The following MRPS11 variants were observed in gnomAD, a reference collection of about 807,000 sequenced individuals.
The protein encoded by MRPS11 is small ribosomal subunit protein uS11m.
A neutral mutation model predicts 24.3 loss-of-function variants in MRPS11; 27 were observed. The ratio of observed to expected loss-of-function variants is 1.11; its 90% confidence interval spans 0.82 to 1.53. The LOEUF (loss-of-function observed/expected upper bound fraction) is 1.53. Among genes scored for constraint, MRPS11 ranks in the 40% most tolerant of loss-of-function variants. The pLI is 0.00. For synonymous variants in MRPS11, 104 were observed against 98.7 expected (o/e 1.05, Z -0.32); for missense variants, 277 against 256.5 (o/e 1.08, Z -0.55).
chr15:88,476,885 C>A, intron 4 of MRPS11, 104 bp from the exon 5 acceptor site: 1 of 1,138,706 alleles, frequency 8.8e-7, no homozygotes, highest in Non-Finnish European at 1.3e-6. Context: ...TCTCTGGATG[C>A]CCTTTCCCTG....
At chr15:88,468,225 G>A (rs2055596476) in intron 2 of MRPS11, 1 of 1,419,404 alleles carries the variant, frequency 7.0e-7, no homozygotes, top group South Asian at 1.5e-5. Context: ...ATGAGCCGTG[G>A]TACAGAGTAA....
rs777647521 is a variant in MRPS11 at position 88,475,134 on chromosome 15, T to G, written c.306T>G (p.Ala102=). 1 of 1,614,250 alleles carries G rather than the reference T, an allele frequency of 6.2e-7. No homozygotes were observed. Among genetic ancestry groups the G allele is most frequent in the Non-Finnish European group, 8.5e-7 (1 of 1,180,040 alleles). Residue 102 remains alanine, a synonymous_variant, in exon 4 of 6, where the codon GCT becomes GCG. Coordinates refer to ENST00000325844, the MANE Select transcript of MRPS11 (RefSeq NM_022839.5). The surrounding 1 kb of genome is among the most constrained non-coding windows in gnomAD (Gnocchi z 4.1). ...HNNTQIQVVS[A]SNEPLAFASC... ...GCACACAGATCCAGGTAGTCTCTGCTAGTAATGAGCCCCTTGCCTTTGCTT... is the reference window on the plus strand; with the variant it reads ...GCACACAGATCCAGGTAGTCTCTGCGAGTAATGAGCCCCTTGCCTTTGCTT...
chr15:88,476,339 G>A (rs1028059868), intron 4 of MRPS11, among the ~76,000 whole-genome samples: 2 of 152,150 alleles, frequency 1.3e-5, no homozygotes, highest in African/African-American at 2.4e-5. Flanking sequence ...CCTTACAAAT[G>A]TTCAGACTCT....
rs777735581 is a variant in MRPS11 at position 88,472,738 on chromosome 15, G to A, written c.281+13G>A. On this transcript the variant is annotated intron_variant, in intron 3 of 5. Coordinates refer to ENST00000325844, the MANE Select transcript of MRPS11 (RefSeq NM_022839.5). Reference sequence around the variant, plus strand: ...CATCCCACAACAAGTAAGTGGGAAGGGAAACACTGGGCAGGTCTAGCGTGA... The same window carrying A: ...CATCCCACAACAAGTAAGTGGGAAGAGAAACACTGGGCAGGTCTAGCGTGA... 28 of 1,589,458 alleles carry A rather than the reference G, an allele frequency of 1.8e-5. No individual in the cohort carries two copies. The East Asian group carries it at 2.9e-4, about 16-fold the overall frequency.
At chr15:88,471,165 G>A (rs2055692795) in intron 2 of MRPS11, among the ~76,000 whole-genome samples, 1 of 152,172 alleles carries the variant, frequency 6.6e-6, no homozygotes, top group South Asian at 2.1e-4. Flanking sequence ...GGAGGTTAGA[G>A]GAGACAAAAG....
chr15:88,475,827 C>T lies in MRPS11; in HGVS notation c.411+588C>T, dbSNP rs1284737911. Among the ~76,000 whole-genome samples the T allele has an allele frequency of 1.3e-5, 2 of 152,052 alleles. No individual in the cohort carries two copies. The highest frequency in any genetic ancestry group is 1.9e-4 in the East Asian group (1 of 5,174). On this transcript the variant is annotated intron_variant, in intron 4 of 5. Coordinates refer to ENST00000325844, the MANE Select transcript of MRPS11 (RefSeq NM_022839.5). This position sits in a 1 kb window ranked among gnomAD's most constrained non-coding sequence, Gnocchi z 4.1. ...GAAAAATTAGCTGGGCGTGGTGGTGCGCGCCTGTAGTCCCAGGTACTCGGG... is the reference window on the plus strand; with the variant it reads ...GAAAAATTAGCTGGGCGTGGTGGTGTGCGCCTGTAGTCCCAGGTACTCGGG...
In MRPS11 at chr15:88,477,945, A is replaced by G. The variant is rs147493631; in HGVS notation, c.551A>G (p.Asn184Ser). 4.3e-6 allele frequency: 7 copies of G among 1,614,058 alleles called. No individual in the cohort carries two copies. The highest frequency in any genetic ancestry group is 5.9e-6 in the Non-Finnish European group (7 of 1,179,998). The change falls in exon 6 of 6, where the codon AAC becomes AGC. Residue 184 changes from asparagine to serine, a missense_variant. Coordinates refer to ENST00000325844, the MANE Select transcript of MRPS11 (RefSeq NM_022839.5). This position sits in a 1 kb window ranked among gnomAD's most constrained non-coding sequence, Gnocchi z 5.7. ...ACAGACAACACCCCAATCCCACACAACGGCTGCCGCCCCAGGAAGGCTCGG... is the reference window on the plus strand; with the variant it reads ...ACAGACAACACCCCAATCCCACACAGCGGCTGCCGCCCCAGGAAGGCTCGG... ...SITDNTPIPH[N>S]GCRPRKARKL
chr15:88,474,176 C>A (rs1474431814), intron 3 of MRPS11, among the ~76,000 whole-genome samples: 1 of 150,348 alleles, frequency 6.7e-6, no homozygotes, highest in Non-Finnish European at 1.5e-5. Flanking sequence ...GACCCTGTCT[C>A]ACAAAAAAAT....
intron 2 of MRPS11, chr15:88,468,879 T>A (rs1012494299): frequency 2.0e-5 from 3 of 152,068 alleles, no homozygotes; most frequent in African/African-American, 7.2e-5. Context: ...GCGTGATGTC[T>A]GGCACCTGTA....
intron 2 of MRPS11, among the ~76,000 whole-genome samples, chr15:88,471,272 C>T (rs891960013): frequency 1.3e-5 from 2 of 152,188 alleles, no homozygotes; most frequent in East Asian, 3.8e-4. Flanking sequence ...TAAGGTCAAA[C>T]CCACAGGAAA....
In MRPS11 at chr15:88,467,895, C is replaced by G. The variant is rs780495818; in HGVS notation, c.66-13C>G. 2 of 1,613,582 alleles carry G rather than the reference C, an allele frequency of 1.2e-6. No homozygotes were observed. The highest frequency in any genetic ancestry group is 2.7e-5 in the African/African-American group (2 of 74,924). ...CCGTTAGGCCGTGGCCCTCACCGAG[C>G]TTTTCTTCCCAGCAGGGTCGTGGCC... On this transcript the variant is annotated splice_polypyrimidine_tract_variant and intron_variant, in intron 1 of 5. Transcript: ENST00000325844.
intron 2 of MRPS11, 80 bp downstream of exon 2, chr15:88,468,104 G>T: frequency 2.0e-6 from 3 of 1,516,520 alleles, no homozygotes. Flanking sequence ...CAGAACCAGT[G>T]AATTTTCAGC....
Position 88,475,254 on chromosome 15 carries a change from C to T in MRPS11, c.411+15C>T, listed in dbSNP as rs1162438643. ...CCGCAGCGGCGGTAAGTGTGTGTTC[C>T]TTCTGCTTCCTTCTAGTGTGTGTTT... On this transcript the variant is annotated intron_variant, in intron 4 of 5. Coordinates refer to ENST00000325844, the MANE Select transcript of MRPS11 (RefSeq NM_022839.5). The surrounding 1 kb of genome is among the most constrained non-coding windows in gnomAD (Gnocchi z 4.1). The T allele has an allele frequency of 3.1e-6, 5 of 1,613,898 alleles. No homozygotes were observed. In the Admixed American group the frequency reaches 8.3e-5, roughly 27 times the overall value.
chr15:88,475,211 C>A lies in MRPS11; in HGVS notation c.383C>A (p.Ala128Glu). 1 of 1,614,242 alleles carries A rather than the reference C, an allele frequency of 6.2e-7. No homozygotes were observed. The highest frequency in any genetic ancestry group is 8.5e-7 in the Non-Finnish European group (1 of 1,180,040). The change falls in exon 4 of 6, where the codon GCA becomes GAA. Residue 128 changes from alanine to glutamate, a missense_variant. By Grantham distance (107) the Ala-to-Glu change is moderately radical (BLOSUM62 -1). Transcript: ENST00000325844. This position sits in a 1 kb window ranked among gnomAD's most constrained non-coding sequence, Gnocchi z 4.1. ...RNAKKGTGIA[A>E]QTAGIAAAAR... ...GCCAAGAAGGGCACAGGCATCGCAG[C>A]ACAGACAGCAGGCATAGCCGCAGCG...
rs749957719 is a variant in MRPS11, at chr15:88,467,951, G to C, written c.109G>C (p.Ala37Pro). ...RTPAGTICTG[A>P]RQLQDAAAKQ... is the part of the protein sequence containing the mutation. ...GCCGGCCGGGACCATCTGCACAGGC[G>C]CTCGACAGCTCCAAGACGCTGCGGC... Residue 37 changes from alanine (A) to proline (P), a missense_variant, in exon 2 of 6, where the codon GCT (alanine) becomes CCT (proline). Physicochemically the swap from Ala to Pro is conservative, Grantham distance 27 (BLOSUM62 -1). Coordinates refer to ENST00000325844, the MANE Select transcript of MRPS11 (RefSeq NM_022839.5). 6.2e-7 allele frequency: 1 copy of C among 1,613,266 alleles called. No individual in the cohort carries two copies.
chr15:88,470,491 A>G (rs892135776), intron 2 of MRPS11, among the ~76,000 whole-genome samples: 14 of 152,208 alleles, frequency 9.2e-5, no homozygotes, highest in African/African-American at 3.4e-4. Flanking sequence ...GCGCTTTCAC[A>G]TTTAGAGATT....
chr15:88,468,287 C>A, intron 2 of MRPS11: 1 of 1,272,342 alleles, frequency 7.9e-7, no homozygotes, highest in Non-Finnish European at 1.0e-6. Flanking sequence ...ATATCCATAA[C>A]ATGTATCAGC....
chr15:88,472,457 G>C, intron 2 of MRPS11, 170 bp from the exon 3 acceptor site: 1 of 580,188 alleles, frequency 1.7e-6, no homozygotes, highest in East Asian at 3.0e-5. Flanking sequence ...CATAAGCACA[G>C]CAGTCACACA....
chr15:88,468,766 T>G, intron 2 of MRPS11: 1 of 156,716 alleles, frequency 6.4e-6, no homozygotes, highest in Non-Finnish European at 1.4e-5. Context: ...TCCCAGCACT[T>G]TAGGCGGCCA....
Sources: allele counts gnomAD v4.1 joint callset (sites outside exome capture counted in the v4.1 genomes callset), GRCh38; gene constraint gnomAD v4.1.1; non-coding constraint Gnocchi (gnomAD v3.1); transcripts MANE v1.5; gene names NCBI Gene and HGNC (gene_info 2026-07-23, HGNC 2026-07-21).